PRKG1: variants seen among roughly 807,000 people sequenced by gnomAD.
PRKG1 encodes the protein protein kinase cGMP-dependent 1.
Under a neutral mutation model 88.1 loss-of-function variants are expected in PRKG1, and 35 were observed. The ratio of observed to expected loss-of-function variants is 0.40; its 90% CI spans 0.30 to 0.53. The LOEUF (loss-of-function observed/expected upper bound fraction) is 0.53. Ranked by LOEUF, PRKG1 falls within the 20% of genes least tolerant of loss-of-function variation. The pLI, the probability that PRKG1 is intolerant of heterozygous loss-of-function variation, is 0.59. For missense variants in PRKG1, 540 were observed against 839.8 expected (o/e 0.64, Z 4.41); for synonymous variants, 303 against 292.5 (o/e 1.04, Z -0.37).
rs1169355650 is a variant in PRKG1 at position 51,060,033 on chromosome 10, A to T, written c.266+68389A>T. 2.0e-5 allele frequency among the ~76,000 whole-genome samples: 3 copies of T among 152,244 alleles called. No homozygotes were observed. In the East Asian group the frequency reaches 5.8e-4, roughly 29 times the overall value. ...AATTTAGAATTATAATTACTTTCAG[A>T]TAAATTAATCATTTTATTATTAAGA... is the stretch of plus-strand genomic sequence containing the variant. On this transcript the variant is annotated intron_variant, in intron 1 of 17. Coordinates refer to the PRKG1 transcript ENST00000401604.
chr10:51,022,754 G>T (rs897273852), intron 1 of PRKG1, among the ~76,000 whole-genome samples: 4 of 152,142 alleles, frequency 2.6e-5, no homozygotes, highest in Admixed American at 6.5e-5. Flanking sequence ...AACAAATATA[G>T]AAGTGTATAT....
intron 3 of PRKG1, among the ~76,000 whole-genome samples, chr10:51,598,186 A>G (rs1196278334): frequency 6.6e-6 from 1 of 152,196 alleles, no homozygotes; most frequent in Non-Finnish European, 1.5e-5. Context: ...TGGAGTTTCC[A>G]TCTACTAGCA....
intron 2 of PRKG1, among the ~76,000 whole-genome samples, chr10:51,280,578 C>CT (rs1194779810): frequency 6.6e-6 from 1 of 152,144 alleles, no homozygotes; most frequent in East Asian, 1.9e-4. Context: ...TCTTTTTACT[C>CT]TTTTTTCTCT....
intron 2 of PRKG1, among the ~76,000 whole-genome samples, chr10:51,420,802 C>G (rs1838389697): frequency 6.6e-6 from 1 of 152,122 alleles, no homozygotes; most frequent in African/African-American, 2.4e-5. Flanking sequence ...ATAGTGCAAG[C>G]ATTTGCTTCT....
chr10:51,360,681 G>A (rs1290543474), intron 2 of PRKG1, among the ~76,000 whole-genome samples: 2 of 151,844 alleles, frequency 1.3e-5, no homozygotes, highest in African/African-American at 2.4e-5. Context: ...GGCTTGTAAC[G>A]CTTTTGTCTT....
chr10:51,760,031 T>C (rs1589264299), intron 3 of PRKG1, among the ~76,000 whole-genome samples: 1 of 152,212 alleles, frequency 6.6e-6, no homozygotes, highest in Admixed American at 6.5e-5. Context: ...TGGAACTCTA[T>C]CTGCCTGGCC....
intron 5 of PRKG1, among the ~76,000 whole-genome samples, chr10:51,914,795 T>C (rs75186447): frequency 0.055 from 8,321 of 152,340 alleles, 273 homozygotes; most frequent in Middle Eastern, 0.11. Flanking sequence ...GGTGCACTTA[T>C]GTACGTTATT....
intron 3 of PRKG1, among the ~76,000 whole-genome samples, chr10:51,650,261 A>C (rs1018304929): frequency 6.6e-6 from 1 of 152,110 alleles, no homozygotes; most frequent in Non-Finnish European, 1.5e-5. Context: ...TTAATCGTGT[A>C]CCATGTCATG....
chr10:51,587,500 G>A (rs1238547819), intron 3 of PRKG1, among the ~76,000 whole-genome samples: 1 of 152,160 alleles, frequency 6.6e-6, no homozygotes, highest in Non-Finnish European at 1.5e-5. Context: ...ATTAAAGGAT[G>A]AAGTGGAAAG....
chr10:51,087,846 C>A (rs891758866), intron 1 of PRKG1, among the ~76,000 whole-genome samples: 1 of 152,168 alleles, frequency 6.6e-6, no homozygotes, highest in African/African-American at 2.4e-5. Flanking sequence ...TTCACTGCAA[C>A]CTCCGCCTCC....
At chr10:52,114,101 A>G (rs1197916711) in intron 7 of PRKG1, among the ~76,000 whole-genome samples, 1 of 152,070 alleles carries the variant, frequency 6.6e-6, no homozygotes, top group South Asian at 2.1e-4. Flanking sequence ...GGGGTTAGGT[A>G]AATGTGAGTT....
At chr10:51,574,267 A>G (rs1011625568) in intron 3 of PRKG1, among the ~76,000 whole-genome samples, 4 of 151,936 alleles carry the variant, frequency 2.6e-5, no homozygotes, top group African/African-American at 7.2e-5. Flanking sequence ...CACTGAAAGG[A>G]GACAAAAAAT....
Position 51,762,308 on chromosome 10 carries a change from C to A in PRKG1, c.593-42277C>A, listed in dbSNP as rs149314347. Among the ~76,000 whole-genome samples, 669 of 152,126 alleles carry A rather than the reference C, an allele frequency of 4.4e-3. 8 individuals carry two copies. Among genetic ancestry groups the A allele is most frequent in the African/African-American group, 0.015 (625 of 41,522 alleles). On this transcript the variant is annotated intron_variant, in intron 3 of 17. Transcript: ENST00000373980. ...GTGCATTTCTGCTAGGCATTAGGCT[C>A]CTCATATTTGGATAACACATACAAG... is the stretch of plus-strand genomic sequence containing the variant.
intron 1 of PRKG1, among the ~76,000 whole-genome samples, chr10:51,011,504 T>C (rs555680184): frequency 2.2e-4 from 33 of 152,320 alleles, no homozygotes; most frequent in Admixed American, 5.2e-4. Context: ...AGAAGTAACC[T>C]CATAGAAGCA....
At chr10:52,024,638 G>T (rs1267865335) in intron 5 of PRKG1, among the ~76,000 whole-genome samples, 1 of 152,096 alleles carries the variant, frequency 6.6e-6, no homozygotes, top group Non-Finnish European at 1.5e-5. Flanking sequence ...CTTCATCCAT[G>T]TCCCTACAAA....
At chr10:51,912,325 T>G (rs1028466044) in intron 5 of PRKG1, among the ~76,000 whole-genome samples, 1 of 152,178 alleles carries the variant, frequency 6.6e-6, no homozygotes, top group Admixed American at 6.5e-5. Context: ...TTATTCTAAA[T>G]GTAATGGGGA....
intron 1 of PRKG1, among the ~76,000 whole-genome samples, chr10:51,018,037 G>A (rs1304514192): frequency 6.6e-6 from 1 of 151,848 alleles, no homozygotes; most frequent in East Asian, 1.9e-4. Context: ...GCCCAGGCTG[G>A]TCTTGAACTC....
rs1842144916 is a variant in PRKG1, at chr10:51,347,722, C to A, written c.479-120001C>A. The stretch of plus-strand genomic sequence containing the variant: ...TCGGTAAACATTCTCTTCTGGGATT[C>A]TCAGTGGTGTAACAGGCCAGATTTA... On this transcript the variant is annotated intron_variant, in intron 2 of 17. Coordinates refer to ENST00000373980, the MANE Select transcript of PRKG1 (RefSeq NM_006258.4). 2.0e-5 allele frequency among the ~76,000 whole-genome samples: 3 copies of A among 152,028 alleles called. No individual in the cohort carries two copies. The South Asian group carries it at 6.2e-4, about 32-fold the overall frequency.
At chr10:52,047,217 G>A (rs1487944036) in intron 5 of PRKG1, among the ~76,000 whole-genome samples, 1 of 152,104 alleles carries the variant, frequency 6.6e-6, no homozygotes, top group Non-Finnish European at 1.5e-5. Context: ...TTCTTTTAGA[G>A]GATAGGAAGG....
Sources: allele counts gnomAD v4.1 joint callset (sites outside exome capture counted in the v4.1 genomes callset), GRCh38; gene constraint gnomAD v4.1.1; transcripts MANE v1.5; gene names NCBI Gene and HGNC (gene_info 2026-07-23, HGNC 2026-07-21).